ZCCHC17: variants seen among roughly 807,000 people sequenced by gnomAD.
ZCCHC17 encodes the protein zinc finger CCHC domain-containing protein 17.
A neutral mutation model predicts 30.6 loss-of-function variants in ZCCHC17; 18 were observed. The ratio of observed to expected loss-of-function variants is 0.59; its 90% CI spans 0.41 to 0.87. The LOEUF (loss-of-function observed/expected upper bound fraction) is 0.87. Ranked by LOEUF, ZCCHC17 falls within the 40% of genes least tolerant of loss-of-function variation. ZCCHC17 has a pLI of 0.00. For missense variants in ZCCHC17, 263 were observed against 284.2 expected (o/e 0.93, Z 0.54); for synonymous variants, 88 against 92.4 (o/e 0.95, Z 0.27).
chr1:31,317,024 CTTTTT>C (rs1196920105), intron 2 of ZCCHC17, among the ~76,000 whole-genome samples: 2 of 126,540 alleles, frequency 1.6e-5, no homozygotes, highest in Non-Finnish European at 1.7e-5. Context: ...AACTTTTTTT[CTTTTT>C]TTTTTTTTTT....
chr1:31,363,254 G>T (rs2148489889), intron 7 of ZCCHC17, among the ~76,000 whole-genome samples: 1 of 148,850 alleles, frequency 6.7e-6, no homozygotes, highest in East Asian at 2.0e-4. Context: ...CACAATCTTA[G>T]CTCACTGCAA....
At chr1:31,320,913 G>A (rs1646844902) in intron 3 of ZCCHC17, among the ~76,000 whole-genome samples, 1 of 152,040 alleles carries the variant, frequency 6.6e-6, no homozygotes, top group Non-Finnish European at 1.5e-5. Context: ...AATGTATGAG[G>A]GTTCTATTTT....
At chr1:31,354,618 G>A (rs1557459272) in intron 7 of ZCCHC17, among the ~76,000 whole-genome samples, 1 of 152,124 alleles carries the variant, frequency 6.6e-6, no homozygotes, top group Non-Finnish European at 1.5e-5. Context: ...AGGGTATATG[G>A]ATATCTCACT....
In ZCCHC17 at chr1:31,348,861, G is replaced by T; in HGVS notation, c.451G>T (p.Gly151Cys). ...HFAKDCFMQP[G>C]GTKYSLIPDE... ...TGCAAAAGATTGTTTCATGCAACCA[G>T]GTGGGACTAAATACTCTCTGATACC... The change falls in exon 7 of 8, where the codon GGT becomes TGT. Residue 151 changes from glycine to cysteine, a missense_variant. Physicochemically the swap from Gly to Cys is radical, Grantham distance 159. Coordinates refer to ENST00000344147, the MANE Select transcript of ZCCHC17 (RefSeq NM_016505.4). 1 of 1,612,892 alleles carries T rather than the reference G, an allele frequency of 6.2e-7. No homozygotes were observed. Among genetic ancestry groups the T allele is most frequent in the Non-Finnish European group, 8.5e-7 (1 of 1,180,036 alleles).
In ZCCHC17 at chr1:31,364,053, A is replaced by G. The variant is rs1448635348; in HGVS notation, c.586A>G (p.Arg196Gly). ...TCAGGAGAAGAAGAAAAAGAAACAT[A>G]GAGATAGGAAGTCATCTGACTCTGA... ...RKKEKKKKKHRDRKSSDSDSS... is the reference protein window; with the variant it reads ...RKKEKKKKKHGDRKSSDSDSS... Residue 196 changes from arginine to glycine, a missense_variant, in exon 8 of 8, where the codon AGA becomes GGA. By Grantham distance (125) the Arg-to-Gly change is moderately radical (BLOSUM62 -2). Coordinates refer to ENST00000344147, the MANE Select transcript of ZCCHC17 (RefSeq NM_016505.4). The G allele has an allele frequency of 6.2e-7, 1 of 1,612,322 alleles. No homozygotes were observed. Among genetic ancestry groups the G allele is most frequent in the African/African-American group, 1.3e-5 (1 of 74,830 alleles).
chr1:31,312,880 C>T (rs1053532792), intron 2 of ZCCHC17, among the ~76,000 whole-genome samples: 3 of 152,004 alleles, frequency 2.0e-5, no homozygotes, highest in African/African-American at 7.3e-5. Context: ...TCAAGCAATT[C>T]TCCTGCCTCA....
chr1:31,346,964 C>T, intron 6 of ZCCHC17: 1 of 922,734 alleles, frequency 1.1e-6, no homozygotes, highest in Non-Finnish European at 1.6e-6. Context: ...ACTACCACCA[C>T]TCCTCCCACC....
chr1:31,338,839 A>G, intron 4 of ZCCHC17, 118 bp from the exon 5 acceptor site: 1 of 639,432 alleles, frequency 1.6e-6, no homozygotes, highest in Admixed American at 3.1e-5. Context: ...TTCCTAGCAC[A>G]GTACCTGGTC....
chr1:31,305,623 G>A (rs972779949), intron 1 of ZCCHC17, among the ~76,000 whole-genome samples: 2 of 151,712 alleles, frequency 1.3e-5, no homozygotes, highest in African/African-American at 4.8e-5. Flanking sequence ...AAAATATTTT[G>A]TGGAGATGGG....
intron 3 of ZCCHC17, among the ~76,000 whole-genome samples, chr1:31,336,848 A>AT (rs2148452247): frequency 7.3e-6 from 1 of 137,066 alleles, no homozygotes; most frequent in South Asian, 2.3e-4. Context: ...TTTTTTTTGT[A>AT]TTTTTTGTAG....
chr1:31,314,196 G>A lies in ZCCHC17; in HGVS notation c.66+4032G>A, dbSNP rs139842943. 6.0e-3 allele frequency among the ~76,000 whole-genome samples: 907 copies of A among 152,226 alleles called. 5 individuals carry two copies. Among genetic ancestry groups the A allele is most frequent in the Non-Finnish European group, 9.6e-3 (651 of 68,014 alleles). Reference sequence around the variant, plus strand: ...AGCTTTCTTATATGAGATGGAGCTTGAATTAGTGCAGGTTTTATATATTAC... The same window carrying A: ...AGCTTTCTTATATGAGATGGAGCTTAAATTAGTGCAGGTTTTATATATTAC... On this transcript the variant is annotated intron_variant, in intron 2 of 7. Transcript: ENST00000344147.
At chr1:31,303,698 T>G (rs1569729151) in intron 1 of ZCCHC17, among the ~76,000 whole-genome samples, 1 of 152,366 alleles carries the variant, frequency 6.6e-6, no homozygotes, top group East Asian at 1.9e-4. Context: ...CATGTACAGA[T>G]AACATTTTTC....
intron 2 of ZCCHC17, chr1:31,318,273 A>G: frequency 6.7e-7 from 1 of 1,490,628 alleles, no homozygotes. Flanking sequence ...ACAAATAATC[A>G]TTTAGTGTTA....
At chr1:31,312,560 T>C (rs1156813761) in intron 2 of ZCCHC17, among the ~76,000 whole-genome samples, 1 of 152,148 alleles carries the variant, frequency 6.6e-6, no homozygotes, top group Non-Finnish European at 1.5e-5. Context: ...TGAACCTCAG[T>C]TTTCTTGTTT....
Position 31,347,916 on chromosome 1 carries a change from CT to C in ZCCHC17, c.419-908del, listed in dbSNP as rs374572560. Among the ~76,000 whole-genome samples the C allele has an allele frequency of 4.7e-3, 710 of 152,244 alleles. 8 individuals are homozygous for C. Among genetic ancestry groups the C allele is most frequent in the African/African-American group, 0.016 (681 of 41,538 alleles). The stretch of plus-strand genomic sequence containing the variant: ...GCCACTGTGCCCAGCCCACACATAG[CT>C]TTTTGATTATCTCATACAATTCCTC... On this transcript the variant is annotated intron_variant, in intron 6 of 7. Coordinates refer to ENST00000344147, the MANE Select transcript of ZCCHC17 (RefSeq NM_016505.4).
intron 2 of ZCCHC17, among the ~76,000 whole-genome samples, chr1:31,314,821 C>T (rs1236205619): frequency 2.0e-5 from 3 of 152,104 alleles, no homozygotes; most frequent in Non-Finnish European, 4.4e-5. Context: ...CGCATGCCAC[C>T]ACACCTGGCT....
chr1:31,329,641 C>G (rs1228556612), intron 3 of ZCCHC17, among the ~76,000 whole-genome samples: 1 of 152,126 alleles, frequency 6.6e-6, no homozygotes, highest in Non-Finnish European at 1.5e-5. Context: ...TGTTGTTGCA[C>G]TTAGTCCATG....
intron 3 of ZCCHC17, among the ~76,000 whole-genome samples, chr1:31,321,394 G>A (rs966596344): frequency 1.3e-5 from 2 of 152,298 alleles, no homozygotes; most frequent in Non-Finnish European, 2.9e-5. Context: ...ATGCTGAACT[G>A]TGAGTCAGTT....
intron 4 of ZCCHC17, among the ~76,000 whole-genome samples, chr1:31,338,598 T>C: frequency 6.6e-6 from 1 of 152,212 alleles, no homozygotes; most frequent in East Asian, 1.9e-4. Context: ...ATCTAGTCTC[T>C]TGAAGTATTC....
Sources: gnomAD v4.1 joint callset for allele counts (sites outside exome capture counted in the v4.1 genomes callset) on GRCh38, gnomAD v4.1.1 for gene constraint, MANE v1.5 for transcripts, NCBI Gene and HGNC (gene_info 2026-07-23, HGNC 2026-07-21) for gene names.